The following EPHA6 variants were observed in gnomAD, a reference collection of about 807,000 sequenced individuals.
EPHA6 encodes EPH receptor A6, also known as ephrin type-A receptor 6.
In EPHA6, 50 loss-of-function variants were observed where a neutral mutation model predicts 112.0. The observed-to-expected ratio is 0.45, with a 90% CI of 0.36 to 0.56. EPHA6 has a LOEUF of 0.56. EPHA6 is among the 20% of genes least tolerant of loss of function. The pLI, the probability that EPHA6 is intolerant of heterozygous loss-of-function variation, is 0.00. For synonymous variants in EPHA6, 529 were observed against 490.7 expected (o/e 1.08, Z -1.03); for missense variants, 1,280 against 1,417.4 (o/e 0.90, Z 1.56).
At chr3:97,275,162 A>G (rs1176828093) in intron 5 of EPHA6, among the ~76,000 whole-genome samples, 3 of 152,142 alleles carry the variant, frequency 2.0e-5, no homozygotes, top group Admixed American at 2.0e-4. Context: ...AATTCTGACC[A>G]CACTAACCAT....
At chr3:96,968,740 A>C (rs7622274) in intron 2 of EPHA6, among the ~76,000 whole-genome samples, 1 of 151,886 alleles carries the variant, frequency 6.6e-6, no homozygotes, top group Non-Finnish European at 1.5e-5. Context: ...ATAATGTGCA[A>C]TATTCAGGGA....
intron 5 of EPHA6, among the ~76,000 whole-genome samples, chr3:97,280,661 T>G (rs1438856255): frequency 1.3e-5 from 2 of 152,246 alleles, no homozygotes; most frequent in Non-Finnish European, 2.9e-5. Flanking sequence ...ATAGGGTTGC[T>G]GTCTAGCATG....
At chr3:97,612,470 A>C (rs1347267355) in intron 13 of EPHA6, 1 of 363,766 alleles carries the variant, frequency 2.7e-6, no homozygotes, top group African/African-American at 2.1e-5. Flanking sequence ...ACCACAAGCA[A>C]ATAAGGTGGG....
intron 11 of EPHA6, among the ~76,000 whole-genome samples, chr3:97,542,606 A>G (rs1204065964): frequency 6.6e-6 from 1 of 152,218 alleles, no homozygotes; most frequent in African/African-American, 2.4e-5. Context: ...TTGGGTATAT[A>G]CCCAGTAATG....
intron 5 of EPHA6, among the ~76,000 whole-genome samples, chr3:97,248,843 A>G (rs1576766242): frequency 6.6e-6 from 1 of 152,260 alleles, no homozygotes; most frequent in South Asian, 2.1e-4. Flanking sequence ...AGTTCACTGG[A>G]TTTTAGAAAT....
chr3:97,062,728 C>G (rs529887688), intron 3 of EPHA6, among the ~76,000 whole-genome samples: 1 of 152,286 alleles, frequency 6.6e-6, no homozygotes, highest in South Asian at 2.1e-4. Context: ...TTCTCATTCT[C>G]TCTTGCCTGT....
At chr3:97,361,046 T>G (rs2084345010) in intron 5 of EPHA6, among the ~76,000 whole-genome samples, 1 of 152,202 alleles carries the variant, frequency 6.6e-6, no homozygotes, top group Non-Finnish European at 1.5e-5. Flanking sequence ...GTTATGCACC[T>G]TGCTGAGTCT....
chr3:96,865,805 G>A (rs1182090728), intron 1 of EPHA6, among the ~76,000 whole-genome samples: 1 of 151,652 alleles, frequency 6.6e-6, no homozygotes, highest in African/African-American at 2.4e-5. Context: ...GAGGTTCATG[G>A]CCTACTGACA....
At chr3:97,294,966 T>C (rs2080824582) in intron 5 of EPHA6, among the ~76,000 whole-genome samples, 1 of 152,158 alleles carries the variant, frequency 6.6e-6, no homozygotes, top group South Asian at 2.1e-4. Context: ...ATGGGGGGGT[T>C]CTTAAATATG....
intron 5 of EPHA6, among the ~76,000 whole-genome samples, chr3:97,262,598 A>G (rs2079541115): frequency 6.6e-6 from 1 of 152,094 alleles, no homozygotes; most frequent in Admixed American, 6.6e-5. Context: ...CTGCCACAAG[A>G]CTTTTTGTTA....
intron 5 of EPHA6, among the ~76,000 whole-genome samples, chr3:97,372,557 G>T (rs989596126): frequency 1.3e-5 from 2 of 151,904 alleles, no homozygotes; most frequent in Admixed American, 6.6e-5. Flanking sequence ...TTTTTTATAG[G>T]AATATGTAAA....
chr3:97,196,324 T>G (rs1401552046), intron 3 of EPHA6, among the ~76,000 whole-genome samples: 1 of 151,900 alleles, frequency 6.6e-6, no homozygotes, highest in African/African-American at 2.4e-5. Flanking sequence ...TTCTGCTTGA[T>G]TTTTAAGAAT....
At chr3:97,211,519 A>G (rs1056782155) in intron 3 of EPHA6, among the ~76,000 whole-genome samples, 2 of 152,182 alleles carry the variant, frequency 1.3e-5, no homozygotes, top group East Asian at 3.9e-4. Flanking sequence ...GTGTCTGGTG[A>G]GTACCCTCTT....
chr3:97,611,157 C>A (rs964496905), intron 13 of EPHA6, among the ~76,000 whole-genome samples: 1 of 151,582 alleles, frequency 6.6e-6, no homozygotes, highest in African/African-American at 2.4e-5. Flanking sequence ...AAATGAAACT[C>A]AATTGCCTCA....
In EPHA6 at chr3:97,400,071, T is replaced by G. The variant is rs111897142; in HGVS notation, c.1607-5079T>G. 5.5e-3 allele frequency among the ~76,000 whole-genome samples: 839 copies of G among 151,934 alleles called. 11 individuals carry two copies. Among genetic ancestry groups the G allele is most frequent in the African/African-American group, 0.019 (808 of 41,558 alleles). On this transcript the variant is annotated intron_variant, in intron 5 of 17. Transcript: ENST00000389672. ...TTTTCTTTAAATAGTTTTATATTTT[T>G]GAGTCTTAACATTTAAGTCTTTAAT...
At chr3:97,161,925 T>C (rs2076425218) in intron 3 of EPHA6, among the ~76,000 whole-genome samples, 2 of 152,190 alleles carry the variant, frequency 1.3e-5, no homozygotes, top group African/African-American at 2.4e-5. Flanking sequence ...ATCTCTGCAG[T>C]AGGACAGTGA....
chr3:96,927,323 G>T (rs2040089570), intron 2 of EPHA6, among the ~76,000 whole-genome samples: 1 of 152,180 alleles, frequency 6.6e-6, no homozygotes, highest in Non-Finnish European at 1.5e-5. Context: ...GGGAAGGACT[G>T]CTGTGAAGGT....
chr3:97,246,011 T>G (rs2078977704), intron 5 of EPHA6, among the ~76,000 whole-genome samples: 1 of 152,092 alleles, frequency 6.6e-6, no homozygotes, highest in Admixed American at 6.6e-5. Flanking sequence ...ATTTACTGTG[T>G]AATTTTCCTC....
chr3:97,304,284 A>G (rs563433582), intron 5 of EPHA6, among the ~76,000 whole-genome samples: 1 of 152,036 alleles, frequency 6.6e-6, no homozygotes, highest in African/African-American at 2.4e-5. Flanking sequence ...TACTATATTG[A>G]ATAAGAGTAG....
Sources: allele counts gnomAD v4.1 joint callset (sites outside exome capture counted in the v4.1 genomes callset), GRCh38; gene constraint gnomAD v4.1.1; transcripts MANE v1.5; gene names NCBI Gene and HGNC (gene_info 2026-07-23, HGNC 2026-07-21).